TNIP1: variants seen among roughly 807,000 people sequenced by gnomAD.
The protein encoded by TNIP1 is TNFAIP3 interacting protein 1, also known as TNFAIP3-interacting protein 1.
In TNIP1, 22 loss-of-function variants were observed where a neutral mutation model predicts 86.6. The observed-to-expected ratio is 0.25, with a 90% CI of 0.18 to 0.36. The LOEUF is 0.36. Ranked by LOEUF, TNIP1 falls within the 10% of genes least tolerant of loss-of-function variation. TNIP1 has a pLI of 1.00. For synonymous variants in TNIP1, 294 were observed against 313.0 expected (o/e 0.94, Z 0.64); for missense variants, 709 against 820.6 (o/e 0.86, Z 1.66).
chr5:151,030,765 T>G lies in TNIP1; in HGVS notation c.1877-18A>C, dbSNP rs1162945744. On this transcript the variant is annotated intron_variant, in intron 17 of 17. Transcript: ENST00000521591. ...TGGAGACTCTAAATAAACAAAAATT[T>G]TGAGGACTTCATGATTATGTGGTAG... is the stretch of plus-strand genomic sequence containing the variant. 6.3e-7 allele frequency: 1 copy of G among 1,592,536 alleles called. No homozygotes were observed. The highest frequency in any genetic ancestry group is 1.8e-5 in the Admixed American group (1 of 56,808).
chr5:151,053,415 A>G (rs1198810475), intron 6 of TNIP1, among the ~76,000 whole-genome samples: 2 of 152,178 alleles, frequency 1.3e-5, no homozygotes, highest in African/African-American at 4.8e-5. Flanking sequence ...TAGCCCAGGG[A>G]CAACTGTTTC....
chr5:151,087,525 T>G (rs1438569776), upstream of TNIP1: 1 of 152,234 alleles, frequency 6.6e-6, no homozygotes, highest in Non-Finnish European at 1.5e-5. Flanking sequence ...GGGATTCCAG[T>G]GCTCAGGGCC....
At chr5:151,053,101 C>CTTTTTTTTTTTTTTTTTTTTT (rs11390788) in intron 6 of TNIP1, among the ~76,000 whole-genome samples, 1 of 85,208 alleles carries the variant, frequency 1.2e-5, no homozygotes. Context: ...AACTGTTTCT[C>CTTTTTTTTTTTTTTTTTTTTT]TTTTTTTTTT....
At chr5:151,056,523 G>A (rs562785039) in intron 6 of TNIP1, among the ~76,000 whole-genome samples, 1 of 152,164 alleles carries the variant, frequency 6.6e-6, no homozygotes, top group African/African-American at 2.4e-5. Context: ...GCTGCTGGGG[G>A]TATCCCCAAC....
chr5:151,034,612 G>C (rs906444665), intron 15 of TNIP1: 3 of 331,116 alleles, frequency 9.1e-6, no homozygotes, highest in Non-Finnish European at 1.7e-5. Context: ...CATGGACACG[G>C]AAGGCTGGTA....
At chr5:151,056,634 C>T in intron 6 of TNIP1, 132 bp downstream of exon 6, 1 of 855,712 alleles carries the variant, frequency 1.2e-6, no homozygotes, top group Non-Finnish European at 1.6e-6. Context: ...GAACAAAAAG[C>T]CCGAAGTCTG....
In TNIP1 at chr5:151,042,930, T is replaced by C; in HGVS notation, c.968A>G (p.His323Arg). 1 of 1,614,192 alleles carries C rather than the reference T, an allele frequency of 6.2e-7. No individual in the cohort carries two copies. The highest frequency in any genetic ancestry group is 8.5e-7 in the Non-Finnish European group (1 of 1,180,042). ...ATACTGCTGCTTCATGGACCGGAAA[T>C]GCTGGTCCCACTGCTTGTTCACTTC... is the stretch of plus-strand genomic sequence containing the variant. ...LLEVNKQWDQ[H>R]FRSMKQQYEQ... The change falls in exon 10 of 18, where the codon CAT becomes CGT. Residue 323 changes from histidine (H) to arginine (R), a missense_variant. By Grantham distance (29) the His-to-Arg change is conservative (BLOSUM62 0). Transcript: ENST00000521591.
rs144751861 is a variant in TNIP1, at chr5:151,033,751, C to G, written c.1636G>C (p.Gly546Arg). 4.4e-6 allele frequency: 6 copies of G among 1,363,866 alleles called. No individual in the cohort carries two copies. The African/African-American group carries it at 9.0e-5, about 20-fold the overall frequency. The allele number at this position is 1,363,866 out of a possible 1,614,324, so 84.5% of individuals were successfully genotyped here. A position where few individuals can be genotyped will look rare whatever the true frequency, so the allele number is the denominator to read the frequency against. ...HVEPHPEHLC[G>R]AYPYAYPPMP... ...GGCGGGTAGGCGTAGGGGTAGGCCC[C>G]GCAGAGATGTTCTGGGTGGGGCTCC... is the stretch of plus-strand genomic sequence containing the variant. The change falls in exon 16 of 18, where the codon GGG becomes CGG. Residue 546 changes from glycine to arginine, a missense_variant. Physicochemically the swap from Gly to Arg is moderately radical, Grantham distance 125. Transcript: ENST00000521591.
At chr5:151,087,377 G>T (rs146729611), upstream of TNIP1, among the ~76,000 whole-genome samples, 14 of 152,290 alleles carry the variant, frequency 9.2e-5, no homozygotes, top group South Asian at 4.1e-4. Context: ...GGTTGGGGGG[G>T]ATCTGGGGAG....
chr5:151,041,999 G>C (rs569280798), intron 11 of TNIP1, among the ~76,000 whole-genome samples: 1 of 150,230 alleles, frequency 6.7e-6, no homozygotes, highest in East Asian at 2.0e-4. Context: ...GGAGTGCGAT[G>C]GTGCAATCTT....
chr5:151,077,219 C>A (rs1763492616), intron 1 of TNIP1, among the ~76,000 whole-genome samples: 1 of 152,194 alleles, frequency 6.6e-6, no homozygotes. Context: ...AACCTCCCGT[C>A]CCCCTACCCC....
At chr5:151,047,973 C>T (rs946005648) in intron 8 of TNIP1, among the ~76,000 whole-genome samples, 4 of 152,212 alleles carry the variant, frequency 2.6e-5, no homozygotes, top group African/African-American at 4.8e-5. Context: ...CACTGCACCC[C>T]CAAGTGGCTT....
In TNIP1 at chr5:151,035,578, T is replaced by C; in HGVS notation, c.1521+4A>G. On this transcript the variant is annotated splice_donor_region_variant and intron_variant, in intron 14 of 17. Coordinates refer to ENST00000521591, the MANE Select transcript of TNIP1 (RefSeq NM_006058.5). ...TTGCCCTTCCTGGGTCCAGTCACTC[T>C]TACCTGGGCATTTGACAGGGTGACC... The C allele has an allele frequency of 6.2e-7, 1 of 1,614,196 alleles. No individual in the cohort carries two copies. Among genetic ancestry groups the C allele is most frequent in the Non-Finnish European group, 8.5e-7 (1 of 1,180,024 alleles).
rs746132489 is a variant in TNIP1 at position 151,035,111 on chromosome 5, T to C, written c.1522-44A>G. 5 of 1,598,396 alleles carry C rather than the reference T, an allele frequency of 3.1e-6. No homozygotes were observed. In the East Asian group the frequency reaches 1.1e-4, roughly 36 times the overall value. On this transcript the variant is annotated intron_variant, in intron 14 of 17. Coordinates refer to ENST00000521591, the MANE Select transcript of TNIP1 (RefSeq NM_006058.5). ...GAGAAAAGACTGTCGGCACAGGTGGTTTCTGGCCAGGCCTGGATCCAGGGC... is the reference window on the plus strand; with the variant it reads ...GAGAAAAGACTGTCGGCACAGGTGGCTTCTGGCCAGGCCTGGATCCAGGGC...
intron 11 of TNIP1, among the ~76,000 whole-genome samples, chr5:151,042,015 A>G (rs1366780485): frequency 1.3e-5 from 2 of 148,536 alleles, no homozygotes; most frequent in Admixed American, 6.8e-5. Context: ...ATCTTGACTC[A>G]CTGCAACCTC....
At chr5:151,060,100 C>T (rs757997163) in intron 5 of TNIP1, among the ~76,000 whole-genome samples, 4 of 152,188 alleles carry the variant, frequency 2.6e-5, no homozygotes, top group Non-Finnish European at 4.4e-5. Context: ...GCTTTCACAA[C>T]GGTCGGGTGC....
intron 17 of TNIP1, among the ~76,000 whole-genome samples, chr5:151,031,585 C>G (rs1756897629): frequency 6.6e-6 from 1 of 152,176 alleles, no homozygotes; most frequent in Non-Finnish European, 1.5e-5. Flanking sequence ...TTAAAAATGT[C>G]CAGTGACTAC....
chr5:151,058,823 C>T (rs1231013313), intron 5 of TNIP1, among the ~76,000 whole-genome samples: 2 of 152,170 alleles, frequency 1.3e-5, no homozygotes, highest in Admixed American at 6.5e-5. Context: ...AGAGGTATAA[C>T]GAGAACTGAG....
rs1490419441 is a variant in TNIP1 at position 151,054,192 on chromosome 5, G to T, written c.628-1933C>A. On this transcript the variant is annotated intron_variant, in intron 6 of 17. Coordinates refer to ENST00000521591, the MANE Select transcript of TNIP1 (RefSeq NM_006058.5). ...GGAAAGTTGGGCCCCTGTCTCCCTG[G>T]GACTCTAAGGAACTGTGTAGAGCAG... Among the ~76,000 whole-genome samples the T allele has an allele frequency of 2.0e-5, 3 of 152,144 alleles. No individual in the cohort carries two copies. In the East Asian group the frequency reaches 5.8e-4, roughly 29 times the overall value.
Sources: allele counts gnomAD v4.1 joint callset (sites outside exome capture counted in the v4.1 genomes callset), GRCh38; gene constraint gnomAD v4.1.1; transcripts MANE v1.5; gene names NCBI Gene and HGNC (gene_info 2026-07-23, HGNC 2026-07-21).